Variants in ANK3 observed in about 807,000 individuals in gnomAD.
ANK3 encodes the protein ankyrin 3, also known as ankyrin-3.
In ANK3, 57 loss-of-function variants were observed where a neutral mutation model predicts 370.9. That is an observed-to-expected ratio of 0.15 (90% CI 0.12 to 0.19). The LOEUF is 0.19. ANK3 is among the 10% of genes least tolerant of loss of function. ANK3 has a pLI of 1.00. For synonymous variants in ANK3, 1,929 were observed against 1,946.3 expected (o/e 0.99, Z 0.23); for missense variants, 4,439 against 5,302.1 (o/e 0.84, Z 5.06).
intron 2 of ANK3, among the ~76,000 whole-genome samples, chr10:60,469,694 T>G (rs2065166494): frequency 7.9e-6 from 1 of 126,802 alleles, no homozygotes; most frequent in African/African-American, 3.0e-5. Flanking sequence ...GGTATATATA[T>G]ATAGTGGTCC....
At chr10:60,648,268 T>A (rs1295251493) in intron 1 of ANK3, among the ~76,000 whole-genome samples, 2 of 146,540 alleles carry the variant, frequency 1.4e-5, no homozygotes, top group Non-Finnish European at 3.0e-5. Flanking sequence ...TTTTCCTACC[T>A]CAGCCTCCCG....
At chr10:60,674,872 C>T (rs1253266990) in intron 1 of ANK3, among the ~76,000 whole-genome samples, 1 of 151,946 alleles carries the variant, frequency 6.6e-6, no homozygotes, top group East Asian at 1.9e-4. Context: ...TCTTTACAGT[C>T]AAGTTGATAT....
In ANK3 at chr10:60,205,061, G is replaced by A. The variant is rs144811679; in HGVS notation, c.1293+731C>T. ...CAGAGTGCTAGGATGTAGTGAGGTG[G>A]AGGTTGGGGGTCTGGGACAAGTCTG... On this transcript the variant is annotated intron_variant, in intron 11 of 43. Transcript: ENST00000280772. Among the ~76,000 whole-genome samples, 3 of 152,262 alleles carry A rather than the reference G, an allele frequency of 2.0e-5. No individual in the cohort carries two copies. The East Asian group carries it at 5.8e-4, about 29-fold the overall frequency.
At chr10:60,381,153 C>A (rs1344106606) in intron 1 of ANK3, among the ~76,000 whole-genome samples, 1 of 152,066 alleles carries the variant, frequency 6.6e-6, no homozygotes, top group Non-Finnish European at 1.5e-5. Flanking sequence ...TATTTTGTTC[C>A]TTCTACATAA....
intron 2 of ANK3, among the ~76,000 whole-genome samples, chr10:60,476,933 C>T (rs2075080818): frequency 6.6e-6 from 1 of 152,092 alleles, no homozygotes; most frequent in South Asian, 2.1e-4. Flanking sequence ...CCTAAATTAA[C>T]ATGCAAAACT....
intron 1 of ANK3, among the ~76,000 whole-genome samples, chr10:60,674,627 A>G (rs1207288123): frequency 1.3e-5 from 2 of 152,192 alleles, no homozygotes; most frequent in African/African-American, 4.8e-5. Flanking sequence ...GGAGGAGACA[A>G]ACATCCAAAC....
intron 1 of ANK3, among the ~76,000 whole-genome samples, chr10:60,353,427 T>C (rs2057250082): frequency 6.6e-6 from 1 of 152,190 alleles, no homozygotes; most frequent in Non-Finnish European, 1.5e-5. Flanking sequence ...TGTCAAACTT[T>C]CCTTGGTTAC....
chr10:60,345,218 G>T (rs772759452), intron 1 of ANK3, among the ~76,000 whole-genome samples: 1 of 152,106 alleles, frequency 6.6e-6, no homozygotes, highest in African/African-American at 2.4e-5. Context: ...TTGAAAATAA[G>T]CAAATGGGGT....
At chr10:60,474,493 G>T (rs2075007580) in intron 2 of ANK3, among the ~76,000 whole-genome samples, 1 of 152,116 alleles carries the variant, frequency 6.6e-6, no homozygotes, top group Non-Finnish European at 1.5e-5. Flanking sequence ...ACAATGGGTT[G>T]AATCAAAGGA....
rs549816967 is a variant in ANK3, at chr10:60,517,562, G to C, written c.96+97624C>G. On this transcript the variant is annotated intron_variant, in intron 2 of 43. Transcript: ENST00000373827. ...CCCAAAACAGCTAACGAAATAAAAA[G>C]ACAGAAAAGTAAAAGCTATAACTAC... Among the ~76,000 whole-genome samples the C allele has an allele frequency of 7.2e-5, 11 of 152,150 alleles. No homozygotes were observed. In the South Asian group the frequency reaches 8.3e-4, roughly 11 times the overall value.
At chr10:60,573,609 A>C (rs1210323639) in intron 2 of ANK3, among the ~76,000 whole-genome samples, 3 of 152,184 alleles carry the variant, frequency 2.0e-5, no homozygotes, top group South Asian at 4.1e-4. Flanking sequence ...GGTATTTCAC[A>C]CCTGGGTGGA....
In ANK3 at chr10:60,374,122, T is replaced by C. The variant is rs2060464941; in HGVS notation, c.114+15303A>G. Among the ~76,000 whole-genome samples the C allele has an allele frequency of 2.0e-5, 3 of 151,746 alleles. No individual in the cohort carries two copies. In the South Asian group the frequency reaches 6.3e-4, roughly 32 times the overall value. ...AAGTATCCCTTGTGCTCCTACTGTG[T>C]CCTGCAGTAGGAGCACAAGGGATAC... On this transcript the variant is annotated intron_variant, in intron 1 of 43. Coordinates refer to ENST00000280772, the MANE Select transcript of ANK3 (RefSeq NM_020987.5).
At chr10:60,463,880 C>T (rs147704703) in intron 2 of ANK3, among the ~76,000 whole-genome samples, 2 of 152,024 alleles carry the variant, frequency 1.3e-5, no homozygotes, top group Admixed American at 1.3e-4. Flanking sequence ...GTATATCATG[C>T]TCCAAGGGGA....
chr10:60,525,342 A>G (rs1241667667), intron 2 of ANK3, among the ~76,000 whole-genome samples: 2 of 152,150 alleles, frequency 1.3e-5, no homozygotes, highest in Non-Finnish European at 2.9e-5. Flanking sequence ...CAGAAAATCC[A>G]TGTAAATGCT....
chr10:60,333,329 G>T (rs955793261), intron 1 of ANK3, among the ~76,000 whole-genome samples: 4 of 151,600 alleles, frequency 2.6e-5, no homozygotes, highest in Non-Finnish European at 2.9e-5. Context: ...GCCCCAGTGT[G>T]TGATGCTCCC....
chr10:60,208,038 G>A lies in ANK3; in HGVS notation c.1192C>T (p.Leu398=), dbSNP rs749937075. Residue 398 remains leucine (L), a splice_region_variant and synonymous_variant, in exon 10 of 44, where the codon CTG becomes TTG. Coordinates refer to ENST00000280772, the MANE Select transcript of ANK3 (RefSeq NM_020987.5). ...GACTCGCTGGTTGAGCCACTCACCAGGGCTTTGGCATTGGGGTTAGCTTTC... is the reference window on the plus strand; with the variant it reads ...GACTCGCTGGTTGAGCCACTCACCAAGGCTTTGGCATTGGGGTTAGCTTTC... ...DKKANPNAKA[L]NGFTPLHIAC... is the part of the protein sequence containing the mutation. The A allele has an allele frequency of 6.2e-7, 1 of 1,613,480 alleles. No individual in the cohort carries two copies. The highest frequency in any genetic ancestry group is 1.1e-5 in the South Asian group (1 of 91,046).
intron 13 of ANK3, among the ~76,000 whole-genome samples, 172 bp from the exon 14 acceptor site, chr10:60,198,709 T>G (rs868563512): frequency 7.9e-5 from 12 of 152,220 alleles, no homozygotes; most frequent in African/African-American, 2.9e-4. Context: ...GAGGAGATGG[T>G]AGCTCTAAGC....
At position 60,075,084 on chromosome 10, in the gene ANK3, G is replaced by A. The variant is rs1195852728; in HGVS notation, c.5797C>T (p.Leu1933Phe). Residue 1933 changes from leucine to phenylalanine, a missense_variant, in exon 37 of 44, where the codon CTC becomes TTC. This residue lies in a region of ANK3 where 679 missense variants were observed against 791.0 expected (regional missense o/e 0.86). Coordinates refer to ENST00000280772, the MANE Select transcript of ANK3 (RefSeq NM_020987.5). ...VPEEKPFQPE[L>F]PKEGRIDDEE... The stretch of plus-strand genomic sequence containing the variant: ...TCATCTATTCTCCCTTCCTTTGGGA[G>A]TTCAGGTTGGAATGGCTTCTCCTCA... The A allele has an allele frequency of 6.2e-7, 1 of 1,613,932 alleles. No individual in the cohort carries two copies. The highest frequency in any genetic ancestry group is 1.3e-5 in the African/African-American group (1 of 74,932).
At chr10:60,327,389 C>A (rs1593830894) in intron 1 of ANK3, among the ~76,000 whole-genome samples, 1 of 152,244 alleles carries the variant, frequency 6.6e-6, no homozygotes, top group East Asian at 1.9e-4. Context: ...TGGACAGATA[C>A]AATACATATT....
Sources: allele counts gnomAD v4.1 joint callset (sites outside exome capture counted in the v4.1 genomes callset), GRCh38; gene constraint gnomAD v4.1.1; regional missense constraint gnomAD v4.1.1; transcripts MANE v1.5; gene names NCBI Gene and HGNC (gene_info 2026-07-23, HGNC 2026-07-21).